PRIM2: variants seen among roughly 807,000 people sequenced by gnomAD.
PRIM2 encodes DNA primase large subunit.
PRIM2 carries 39 observed loss-of-function variants against 67.3 expected under a neutral mutation model. The ratio of observed to expected loss-of-function variants is 0.58; its 90% CI spans 0.45 to 0.76. The LOEUF (loss-of-function observed/expected upper bound fraction) is 0.76. Ranked by LOEUF, PRIM2 falls within the 30% of genes least tolerant of loss-of-function variation. The pLI is 0.00. For synonymous variants in PRIM2, 143 were observed against 198.7 expected, an observed-to-expected ratio of 0.72 and a Z score of 2.36; for missense variants, 398 against 598.7, an observed-to-expected ratio of 0.66 and a Z score of 3.50.
At chr6:57,350,753 G>A (rs545177862) in intron 5 of PRIM2, among the ~76,000 whole-genome samples, 123 of 151,984 alleles carry the variant, frequency 8.1e-4, no homozygotes, top group Admixed American at 1.7e-3. Flanking sequence ...ACAGACATAG[G>A]CCCATCATCT....
intron 5 of PRIM2, among the ~76,000 whole-genome samples, chr6:57,377,612 A>G (rs1413146940): frequency 1.3e-5 from 2 of 152,046 alleles, no homozygotes; most frequent in Non-Finnish European, 2.9e-5. Context: ...GTGAAGGCTG[A>G]TAAGGTTCTG....
rs1554347771 is a variant in PRIM2 at position 57,512,100 on chromosome 6, G to A, written c.761+4646G>A. Among the ~76,000 whole-genome samples the A allele has an allele frequency of 2.6e-5, 4 of 152,214 alleles. No homozygotes were observed. The East Asian group carries it at 7.7e-4, about 29-fold the overall frequency. On this transcript the variant is annotated intron_variant, in intron 8 of 13. Coordinates refer to ENST00000615550, the MANE Select transcript of PRIM2 (RefSeq NM_000947.5). ...GAGAAACCGGTAAAAATACCAGGGA[G>A]GAGCCTTGAACAAAAAAGGATAGTG... is the stretch of plus-strand genomic sequence containing the variant.
chr6:57,273,715 G>T, the PRIM2 span, among the ~76,000 whole-genome samples: 1 of 152,118 alleles, frequency 6.6e-6, no homozygotes, highest in Non-Finnish European at 1.5e-5. Context: ...GGTTTTTAGA[G>T]TTTCCAGTTT....
Position 57,646,598 on chromosome 6 carries a change from G to A in PRIM2, c.*440G>A, listed in dbSNP as rs1305286364. 6.5e-6 allele frequency: 1 copy of A among 153,474 alleles called. No homozygotes were observed. Among genetic ancestry groups the A allele is most frequent in the African/African-American group, 2.4e-5 (1 of 41,384 alleles). The allele number at this position is 153,474 out of a possible 1,614,324, so 9.5% of individuals were successfully genotyped here. A position where few individuals can be genotyped will look rare whatever the true frequency, so the allele number is the denominator to read the frequency against. On this transcript the variant is annotated 3_prime_UTR_variant, in exon 14 of 14. Coordinates refer to ENST00000615550, the MANE Select transcript of PRIM2 (RefSeq NM_000947.5). ...GGCATGCACACTTATTAGGAAAGGA[G>A]GTTTGAGGTAACAACAGAGACTTTC...
At chr6:57,317,472 C>A (rs1483233585), upstream of PRIM2, among the ~76,000 whole-genome samples, 1 of 152,180 alleles carries the variant, frequency 6.6e-6, no homozygotes, top group Non-Finnish European at 1.5e-5. Context: ...CACTGACATC[C>A]AAACACTTTA....
At chr6:57,408,573 CT>C (rs1273897181) in intron 7 of PRIM2, among the ~76,000 whole-genome samples, 5 of 152,194 alleles carry the variant, frequency 3.3e-5, no homozygotes, top group African/African-American at 7.2e-5. Flanking sequence ...CCCTCCACCC[CT>C]GGCCCTGGGC....
chr6:57,520,853 A>G (rs1230537438), intron 8 of PRIM2, among the ~76,000 whole-genome samples: 1 of 152,176 alleles, frequency 6.6e-6, no homozygotes, highest in Non-Finnish European at 1.5e-5. Context: ...AAAATAAAGT[A>G]GCAGTTGTAC....
chr6:57,566,534 C>CT (rs1367901875), intron 10 of PRIM2, among the ~76,000 whole-genome samples: 1 of 152,046 alleles, frequency 6.6e-6, no homozygotes, highest in Non-Finnish European at 1.5e-5. Flanking sequence ...AGTATTGAGT[C>CT]TCAAAAAGGT....
At chr6:57,524,656 G>C (rs1209449407) in intron 8 of PRIM2, among the ~76,000 whole-genome samples, 1 of 151,910 alleles carries the variant, frequency 6.6e-6, no homozygotes, top group Non-Finnish European at 1.5e-5. Context: ...AGCCGAGATC[G>C]TACCATTGCA....
chr6:57,264,889 G>A, the PRIM2 span, among the ~76,000 whole-genome samples: 19,819 of 152,112 alleles, frequency 0.13, 1,393 homozygotes, highest in East Asian at 0.21. Context: ...GATTAAAGGC[G>A]TCAAAAACTT....
intron 12 of PRIM2, among the ~76,000 whole-genome samples, chr6:57,625,614 T>G (rs1413771418): frequency 1.3e-5 from 2 of 152,132 alleles, no homozygotes; most frequent in African/African-American, 4.8e-5. Flanking sequence ...GGCAGCTATC[T>G]TGAGTGAAGA....
At chr6:57,402,737 G>C (rs1182183294) in intron 7 of PRIM2, among the ~76,000 whole-genome samples, 2 of 152,190 alleles carry the variant, frequency 1.3e-5, no homozygotes, top group African/African-American at 4.8e-5. Flanking sequence ...TTGAATTTTA[G>C]TGTGTGTGCT....
chr6:57,463,361 C>A lies in PRIM2; in HGVS notation c.694-44026C>A, dbSNP rs36012031. Among the ~76,000 whole-genome samples the A allele has an allele frequency of 4.6e-5, 7 of 152,212 alleles. No homozygotes were observed. The East Asian group carries it at 9.7e-4, about 21-fold the overall frequency. On this transcript the variant is annotated intron_variant, in intron 7 of 13. Coordinates refer to ENST00000615550, the MANE Select transcript of PRIM2 (RefSeq NM_000947.5). Reference sequence around the variant, plus strand: ...TAAAAAATTAGCCAGGTGTGGTGGCCTGCAGCTGTTGTCCTAGCTACTCAG... The same window carrying A: ...TAAAAAATTAGCCAGGTGTGGTGGCATGCAGCTGTTGTCCTAGCTACTCAG...
the PRIM2 span, among the ~76,000 whole-genome samples, chr6:57,289,170 A>G: frequency 1.3e-5 from 2 of 152,188 alleles, no homozygotes; most frequent in Non-Finnish European, 2.9e-5. Flanking sequence ...ACAAGCTTCA[A>G]TAGCTGATTT....
At chr6:57,370,735 C>T (rs1392844832) in intron 5 of PRIM2, among the ~76,000 whole-genome samples, 1 of 146,820 alleles carries the variant, frequency 6.8e-6, no homozygotes, top group Non-Finnish European at 1.5e-5. Context: ...CACCCTGCCA[C>T]CTGCGCTGGA....
intron 5 of PRIM2, among the ~76,000 whole-genome samples, chr6:57,372,668 T>C (rs936902461): frequency 6.6e-6 from 1 of 152,208 alleles, no homozygotes; most frequent in Non-Finnish European, 1.5e-5. Context: ...TATGTTTTTA[T>C]CATTCAGCTC....
the PRIM2 span, among the ~76,000 whole-genome samples, chr6:57,299,385 C>A: frequency 2.0e-5 from 3 of 152,114 alleles, no homozygotes; most frequent in Non-Finnish European, 4.4e-5. Flanking sequence ...AGGTCTTTCC[C>A]AACCTTGCAT....
intron 13 of PRIM2, among the ~76,000 whole-genome samples, chr6:57,633,910 C>T (rs1381535483): frequency 6.6e-5 from 10 of 152,220 alleles, no homozygotes; most frequent in Non-Finnish European, 8.8e-5. Context: ...CCTAACGGGC[C>T]GTGGACTGGG....
the PRIM2 span, among the ~76,000 whole-genome samples, chr6:57,225,133 A>T: frequency 3.3e-5 from 5 of 149,350 alleles, no homozygotes; most frequent in African/African-American, 1.3e-4. Flanking sequence ...ATCACCTTTT[A>T]AAAAAATGGT....
Sources: gnomAD v4.1 joint callset for allele counts (sites outside exome capture counted in the v4.1 genomes callset) on GRCh38, gnomAD v4.1.1 for gene constraint, MANE v1.5 for transcripts, NCBI Gene and HGNC (gene_info 2026-07-23, HGNC 2026-07-21) for gene names.